The following PIP5K1B variants were observed in gnomAD, a reference collection of about 807,000 sequenced individuals.
PIP5K1B encodes phosphatidylinositol 4-phosphate 5-kinase type-1 beta.
A neutral mutation model predicts 67.0 loss-of-function variants in PIP5K1B; 42 were observed. The ratio of observed to expected loss-of-function variants is 0.63; its 90% CI spans 0.49 to 0.81. The LOEUF (loss-of-function observed/expected upper bound fraction) is 0.81, where lower values mean the gene tolerates loss of function less well. Ranked by LOEUF, PIP5K1B falls within the 30% of genes least tolerant of loss-of-function variation. The probability of loss-of-function intolerance (pLI) is 0.00; values close to 1 mark genes in which losing one functional copy is unlikely to be tolerated. For synonymous variants in PIP5K1B, 214 were observed against 231.4 expected (o/e 0.92, Z 0.68); for missense variants, 459 against 646.3 (o/e 0.71, Z 3.14).
intron 2 of PIP5K1B, among the ~76,000 whole-genome samples, chr9:68,769,919 G>A (rs1381545965): frequency 2.0e-5 from 3 of 152,162 alleles, no homozygotes; most frequent in Non-Finnish European, 4.4e-5. Context: ...TCTGGAAAAC[G>A]TAGCCTATCT....
At chr9:68,818,401 T>C (rs1258935290) in intron 2 of PIP5K1B, 60 bp from the exon 3 acceptor site, 1 of 152,302 alleles carries the variant, frequency 6.6e-6, no homozygotes, top group Non-Finnish European at 1.5e-5. Context: ...CCTCTGATCT[T>C]TTTTGGGAGA....
At chr9:68,707,856 C>G (rs573809470) in intron 1 of PIP5K1B, 2 of 152,204 alleles carry the variant, frequency 1.3e-5, no homozygotes, top group Non-Finnish European at 2.9e-5. Context: ...CCTGGGCCAT[C>G]ATATCACTTC....
chr9:68,961,180 G>T (rs999139065), intron 14 of PIP5K1B, among the ~76,000 whole-genome samples: 1 of 148,120 alleles, frequency 6.8e-6, no homozygotes, highest in East Asian at 2.0e-4. Context: ...ACTGCAGTCC[G>T]CAGTCCGGCC....
At chr9:68,825,867 G>A (rs1012797910) in intron 4 of PIP5K1B, among the ~76,000 whole-genome samples, 1 of 152,142 alleles carries the variant, frequency 6.6e-6, no homozygotes, top group Non-Finnish European at 1.5e-5. Flanking sequence ...AGATTTACTG[G>A]GCAGCTGCCA....
At chr9:68,942,702 A>AAAAT (rs1827625069) in intron 14 of PIP5K1B, among the ~76,000 whole-genome samples, 1 of 152,138 alleles carries the variant, frequency 6.6e-6, no homozygotes, top group South Asian at 2.1e-4. Flanking sequence ...TTGGAGGGGG[A>AAAAT]AAATAAAAAG....
intron 2 of PIP5K1B, among the ~76,000 whole-genome samples, chr9:68,770,400 A>T (rs1018839121): frequency 6.6e-6 from 1 of 152,158 alleles, no homozygotes; most frequent in African/African-American, 2.4e-5. Flanking sequence ...GTCCTCCTGC[A>T]CCTTGCTGGG....
chr9:68,892,133 C>G (rs1000038619), intron 7 of PIP5K1B, among the ~76,000 whole-genome samples: 1 of 152,130 alleles, frequency 6.6e-6, no homozygotes, highest in Admixed American at 6.5e-5. Flanking sequence ...TTCCTGAACT[C>G]AGTATTGTAA....
chr9:68,855,261 T>G (rs1336552035), intron 4 of PIP5K1B, among the ~76,000 whole-genome samples: 1 of 152,220 alleles, frequency 6.6e-6, no homozygotes, highest in African/African-American at 2.4e-5. Context: ...CTACGTCTCC[T>G]CCAAAGCTTT....
At chr9:68,768,829 C>G (rs764135614) in intron 2 of PIP5K1B, among the ~76,000 whole-genome samples, 4 of 152,184 alleles carry the variant, frequency 2.6e-5, no homozygotes, top group Non-Finnish European at 4.4e-5. Flanking sequence ...TGCAAATGCT[C>G]TATTCTCTCA....
chr9:68,848,245 T>C (rs1822295179), intron 4 of PIP5K1B, among the ~76,000 whole-genome samples: 1 of 152,234 alleles, frequency 6.6e-6, no homozygotes, highest in East Asian at 1.9e-4. Flanking sequence ...AGTGGAGTTA[T>C]GGCAAGAAAG....
chr9:68,808,644 C>A (rs1386868989), intron 2 of PIP5K1B, among the ~76,000 whole-genome samples: 1 of 152,124 alleles, frequency 6.6e-6, no homozygotes, highest in Non-Finnish European at 1.5e-5. Flanking sequence ...TTTAGCACAA[C>A]CTTTGTTGGG....
intron 14 of PIP5K1B, among the ~76,000 whole-genome samples, chr9:68,960,622 C>G (rs1256405614): frequency 6.6e-6 from 1 of 152,102 alleles, no homozygotes; most frequent in Admixed American, 6.5e-5. Flanking sequence ...GGGATTTCCT[C>G]AAATTTTCAT....
chr9:68,827,955 A>C (rs1474589818), intron 4 of PIP5K1B, among the ~76,000 whole-genome samples: 1 of 152,116 alleles, frequency 6.6e-6, no homozygotes, highest in African/African-American at 2.4e-5. Flanking sequence ...ACCCAGCCCC[A>C]CCTCTCCAAA....
intron 2 of PIP5K1B, among the ~76,000 whole-genome samples, chr9:68,798,798 G>C (rs1457341298): frequency 6.6e-6 from 1 of 152,210 alleles, no homozygotes; most frequent in African/African-American, 2.4e-5. Context: ...GTGGAGAATG[G>C]GAGCAGGAAG....
At chr9:69,004,337 TTGTGTGTGTGTGTGTG>T (rs56680798) in intron 15 of PIP5K1B, among the ~76,000 whole-genome samples, 36 of 148,266 alleles carry the variant, frequency 2.4e-4, no homozygotes, top group African/African-American at 8.3e-4. Flanking sequence ...GTGTGTGTTT[TTGTGTGTGTGTGTGTG>T]TGTGTGTGTG....
rs577791544 is a variant in PIP5K1B at position 68,767,941 on chromosome 9, CA to C, written c.-86+25292del. Among the ~76,000 whole-genome samples, 336 of 151,302 alleles carry C rather than the reference CA, an allele frequency of 2.2e-3. 1 individual carries two copies. The highest frequency in any genetic ancestry group is 7.8e-3 in the African/African-American group (321 of 41,264). On this transcript the variant is annotated intron_variant, in intron 2 of 15. Coordinates refer to ENST00000265382, the MANE Select transcript of PIP5K1B (RefSeq NM_003558.4). ...AAATAAAATTATAAGTTTATAGTAA[CA>C]AAAAAAACTGACACACATTCCCAAA...
At chr9:68,900,377 T>C (rs1307827496) in intron 8 of PIP5K1B, among the ~76,000 whole-genome samples, 2 of 152,214 alleles carry the variant, frequency 1.3e-5, no homozygotes, top group African/African-American at 4.8e-5. Flanking sequence ...AAGATTGTGA[T>C]TGAAAACTCT....
intron 15 of PIP5K1B, 48 bp downstream of exon 15, chr9:68,991,305 G>A: frequency 2.0e-6 from 2 of 989,964 alleles, no homozygotes; most frequent in South Asian, 2.6e-5. Context: ...TTTGTAAATG[G>A]ATCCAGGCCA....
chr9:68,983,023 C>T (rs545158311), intron 14 of PIP5K1B, among the ~76,000 whole-genome samples: 1 of 152,274 alleles, frequency 6.6e-6, no homozygotes, highest in East Asian at 1.9e-4. Context: ...TTACACCTTT[C>T]TCTTCAGTAG....
Sources: gnomAD v4.1 joint callset for allele counts (sites outside exome capture counted in the v4.1 genomes callset) on GRCh38, gnomAD v4.1.1 for gene constraint, MANE v1.5 for transcripts, NCBI Gene and HGNC (gene_info 2026-07-23, HGNC 2026-07-21) for gene names.